RUNX2: variants seen among roughly 807,000 people sequenced by gnomAD.
RUNX2 encodes RUNX family transcription factor 2.
In RUNX2, 10 loss-of-function variants were observed where a neutral mutation model predicts 51.7. The observed-to-expected ratio is 0.19, with a 90% confidence interval of 0.12 to 0.33. The LOEUF (loss-of-function observed/expected upper bound fraction) is 0.33. RUNX2 is among the 10% of genes least tolerant of loss of function. The pLI, the probability that RUNX2 is intolerant of heterozygous loss-of-function variation, is 1.00. For missense variants in RUNX2, 562 were observed against 691.3 expected, an observed-to-expected ratio of 0.81 and a Z score of 2.10; for synonymous variants, 276 against 273.6, an observed-to-expected ratio of 1.01 and a Z score of -0.09.
At position 45,485,697 on chromosome 6, in the gene RUNX2, G is replaced by GTATATATATATATATA. The variant is rs10677574; in HGVS notation, c.686-6239_686-6224dup. 2.1e-3 allele frequency among the ~76,000 whole-genome samples: 215 copies of GTATATATATATATATA among 104,024 alleles called. 1 individual carries two copies. Among genetic ancestry groups the GTATATATATATATATA allele is most frequent in the African/African-American group, 5.5e-3 (145 of 26,254 alleles). The allele number at this position is 104,024 out of a possible 152,430, so 68.2% of individuals were successfully genotyped here. A position where few individuals can be genotyped will look rare whatever the true frequency, so the allele number is the denominator to read the frequency against. Reference sequence around the variant, plus strand: ...TATGTGTGTGTGTGTGTGTGTGTGTGTATATATATATATATATATACACAT... The same window carrying GTATATATATATATATA: ...TATGTGTGTGTGTGTGTGTGTGTGTGTATATATATATATATATATATATATATATATATATACACAT... On this transcript the variant is annotated intron_variant, in intron 5 of 8. Transcript: ENST00000647337.
intron 5 of RUNX2, 90 bp downstream of exon 5, chr6:45,438,141 T>C (rs1025712638): frequency 3.6e-6 from 3 of 837,444 alleles, no homozygotes; most frequent in African/African-American, 3.3e-5. Context: ...GTCACTTTCA[T>C]GTCCATAGTG....
chr6:45,382,122 C>A (rs1797252104), intron 2 of RUNX2, among the ~76,000 whole-genome samples: 1 of 152,164 alleles, frequency 6.6e-6, no homozygotes, highest in African/African-American at 2.4e-5. Flanking sequence ...CTTAGTTGTT[C>A]CCGTTCCCAT....
In RUNX2 at chr6:45,360,887, C is replaced by T. The variant is rs58036092; in HGVS notation, c.58+32103C>T. Among the ~76,000 whole-genome samples the T allele has an allele frequency of 7.5e-3, 1,140 of 152,232 alleles. 21 individuals carry two copies. The highest frequency in any genetic ancestry group is 0.026 in the African/African-American group (1,083 of 41,538). On this transcript the variant is annotated intron_variant, in intron 2 of 8. Transcript: ENST00000647337. ...TGTACTACCATGGAATTTTTCGCATCCTATTGCATTACAAATATTTGTCTC... is the reference window on the plus strand; with the variant it reads ...TGTACTACCATGGAATTTTTCGCATTCTATTGCATTACAAATATTTGTCTC...
chr6:45,463,774 G>A (rs1799547422), intron 5 of RUNX2, among the ~76,000 whole-genome samples: 1 of 152,110 alleles, frequency 6.6e-6, no homozygotes, highest in African/African-American at 2.4e-5. Context: ...TTTGCATCCA[G>A]ATCTTTACTT....
chr6:45,471,595 C>A (rs921226178), intron 5 of RUNX2, among the ~76,000 whole-genome samples: 1 of 152,000 alleles, frequency 6.6e-6, no homozygotes, highest in African/African-American at 2.4e-5. Flanking sequence ...CAGGCGCCCA[C>A]CACCACGCCC....
intron 2 of RUNX2, among the ~76,000 whole-genome samples, chr6:45,419,853 T>C (rs1034414161): frequency 5.3e-5 from 8 of 151,828 alleles, no homozygotes; most frequent in East Asian, 3.9e-4. Context: ...CCAGGTGTCA[T>C]AGCCGGTGGC....
At chr6:45,473,745 T>C (rs1318046329) in intron 5 of RUNX2, among the ~76,000 whole-genome samples, 1 of 152,228 alleles carries the variant, frequency 6.6e-6, no homozygotes, top group Non-Finnish European at 1.5e-5. Context: ...AATAAACCTC[T>C]GTTAAAACCA....
chr6:45,416,969 A>G (rs1015705763), intron 2 of RUNX2, among the ~76,000 whole-genome samples: 1 of 152,238 alleles, frequency 6.6e-6, no homozygotes, highest in Admixed American at 6.5e-5. Context: ...CAAACATTTC[A>G]TCTCTTGTTA....
chr6:45,383,415 C>A (rs1249415401), intron 2 of RUNX2, among the ~76,000 whole-genome samples: 1 of 152,040 alleles, frequency 6.6e-6, no homozygotes, highest in Non-Finnish European at 1.5e-5. Context: ...CCAGCCTGGA[C>A]AACAAAGCAA....
intron 5 of RUNX2, among the ~76,000 whole-genome samples, chr6:45,438,286 A>G (rs945984335): frequency 6.6e-6 from 1 of 152,196 alleles, no homozygotes; most frequent in African/African-American, 2.4e-5. Context: ...GCTTTGGGAA[A>G]TGAGTGAATA....
rs1177326632 is a variant in RUNX2 at position 45,512,338 on chromosome 6, ACCACCCCGCTGTCTT to A, written c.957_971del (p.Pro320_Thr324del). On this transcript the variant is annotated inframe_deletion, in exon 7 of 9. Transcript: ENST00000647337. Reference sequence around the variant, plus strand: ...GATGACGTCCCCGTCCATCCACTCTACCACCCCGCTGTCTTCCACACGGGGCACTGGGCTTCCTGC... The same window carrying A: ...GATGACGTCCCCGTCCATCCACTCTACCACACGGGGCACTGGGCTTCCTGC... 6.2e-7 allele frequency: 1 copy of A among 1,613,884 alleles called. No homozygotes were observed.
At chr6:45,446,091 G>A (rs1417863775) in intron 5 of RUNX2, among the ~76,000 whole-genome samples, 4 of 152,148 alleles carry the variant, frequency 2.6e-5, no homozygotes, top group Non-Finnish European at 4.4e-5. Context: ...TAATTCAGCA[G>A]CACATGGCAT....
chr6:45,332,949 A>C (rs1787803409), intron 2 of RUNX2, among the ~76,000 whole-genome samples: 1 of 151,660 alleles, frequency 6.6e-6, no homozygotes, highest in African/African-American at 2.4e-5. Context: ...CTTCCACTGA[A>C]GATAGATAAA....
At chr6:45,456,242 T>C (rs974552501) in intron 5 of RUNX2, among the ~76,000 whole-genome samples, 132 of 152,230 alleles carry the variant, frequency 8.7e-4, no homozygotes, top group African/African-American at 3.0e-3. Flanking sequence ...TATTCACATA[T>C]ACTTTTTATT....
chr6:45,549,864 T>C lies in RUNX2; in HGVS notation c.*2559T>C, dbSNP rs1387877692. Reference sequence around the variant, plus strand: ...AGCAACCCAGAAACACTTTAGAAGCTTTTTTTCCTTGGGAAAAATTCAAGC... The same window carrying C: ...AGCAACCCAGAAACACTTTAGAAGCCTTTTTTCCTTGGGAAAAATTCAAGC... On this transcript the variant is annotated 3_prime_UTR_variant, in exon 9 of 9. Coordinates refer to ENST00000647337, the MANE Select transcript of RUNX2 (RefSeq NM_001024630.4). 6.5e-6 allele frequency: 1 copy of C among 152,800 alleles called. No individual in the cohort carries two copies. Among genetic ancestry groups the C allele is most frequent in the East Asian group, 1.9e-4 (1 of 5,200 alleles). 9.5% of individuals were successfully genotyped at this position (152,800 alleles called of 1,614,324 possible).
chr6:45,526,418 C>G (rs1288575081), intron 7 of RUNX2, among the ~76,000 whole-genome samples: 1 of 152,020 alleles, frequency 6.6e-6, no homozygotes, highest in African/African-American at 2.4e-5. Context: ...GAAATGAGAA[C>G]CTTATAAGCT....
At chr6:45,350,809 T>C (rs948985981) in intron 2 of RUNX2, among the ~76,000 whole-genome samples, 1 of 152,156 alleles carries the variant, frequency 6.6e-6, no homozygotes, top group African/African-American at 2.4e-5. Context: ...AGTGTCTAAA[T>C]GAATGAAGTC....
chr6:45,365,863 C>G (rs1040417147), intron 2 of RUNX2, among the ~76,000 whole-genome samples: 1 of 140,398 alleles, frequency 7.1e-6, no homozygotes, highest in Non-Finnish European at 1.6e-5. Context: ...ATAATAATGT[C>G]AATCGGTAGA....
At chr6:45,332,418 T>C (rs1353294251) in intron 2 of RUNX2, among the ~76,000 whole-genome samples, 1 of 151,840 alleles carries the variant, frequency 6.6e-6, no homozygotes, top group Non-Finnish European at 1.5e-5. Flanking sequence ...ATATTATTTA[T>C]TTTTGCATTT....
Sources: allele counts gnomAD v4.1 joint callset (sites outside exome capture counted in the v4.1 genomes callset), GRCh38; gene constraint gnomAD v4.1.1; transcripts MANE v1.5; gene names NCBI Gene and HGNC (gene_info 2026-07-23, HGNC 2026-07-21).